PTPRJ: variants seen among roughly 807,000 people sequenced by gnomAD.
PTPRJ encodes the protein receptor-type tyrosine-protein phosphatase eta.
A neutral mutation model predicts 141.3 loss-of-function variants in PTPRJ; 129 were observed. That is an observed-to-expected ratio of 0.91 (90% CI 0.79 to 1.06). The LOEUF is 1.06. Ranked by LOEUF, PTPRJ falls within the 50% of genes least tolerant of loss-of-function variation. PTPRJ has a pLI of 0.00. For missense variants in PTPRJ, 1,601 were observed against 1,679.7 expected, an observed-to-expected ratio of 0.95 and a Z score of 0.82; for synonymous variants, 610 against 640.5, an observed-to-expected ratio of 0.95 and a Z score of 0.72.
At chr11:48,049,866 C>T (rs928521112) in intron 1 of PTPRJ, among the ~76,000 whole-genome samples, 1 of 152,140 alleles carries the variant, frequency 6.6e-6, no homozygotes, top group African/African-American at 2.4e-5. Context: ...ACACTGCAGG[C>T]CTTTTGTAGC....
chr11:48,061,219 G>A (rs1854913215), intron 1 of PTPRJ, among the ~76,000 whole-genome samples: 1 of 152,014 alleles, frequency 6.6e-6, no homozygotes, highest in Non-Finnish European at 1.5e-5. Context: ...CAGGTGATCC[G>A]CCTACCTCGG....
chr11:48,071,207 C>T (rs1172371301), intron 1 of PTPRJ, among the ~76,000 whole-genome samples: 1 of 152,142 alleles, frequency 6.6e-6, no homozygotes, highest in Non-Finnish European at 1.5e-5. Flanking sequence ...ATAATAAGCT[C>T]ATAATAACAG....
Position 47,994,951 on chromosome 11 carries a change from T to A in PTPRJ, c.96+13943T>A, listed in dbSNP as rs562798661. 7.2e-5 allele frequency among the ~76,000 whole-genome samples: 11 copies of A among 152,322 alleles called. No individual in the cohort carries two copies. The South Asian group carries it at 1.7e-3, about 23-fold the overall frequency. On this transcript the variant is annotated intron_variant, in intron 1 of 24. Coordinates refer to ENST00000418331, the MANE Select transcript of PTPRJ (RefSeq NM_002843.4). ...GGTGTGAGAGCGCTCCTTGCTATTC[T>A]CAGGGTCAATGTATGGCAATCTGTG...
chr11:48,149,022 G>A (rs1404002796), intron 15 of PTPRJ, among the ~76,000 whole-genome samples: 4 of 152,206 alleles, frequency 2.6e-5, no homozygotes, highest in Non-Finnish European at 2.9e-5. Context: ...CAACAGTGCA[G>A]GAGTGTGCAG....
At chr11:48,059,110 C>CTTTTTTTT (rs917350262) in intron 1 of PTPRJ, among the ~76,000 whole-genome samples, 2 of 102,158 alleles carry the variant, frequency 2.0e-5, no homozygotes, top group African/African-American at 8.5e-5. Flanking sequence ...TGTGCTGTGC[C>CTTTTTTTT]TTTTTTTTTT....
intron 22 of PTPRJ, among the ~76,000 whole-genome samples, chr11:48,160,815 G>T (rs1015534403): frequency 6.6e-6 from 1 of 152,076 alleles, no homozygotes; most frequent in Non-Finnish European, 1.5e-5. Context: ...ACATGGTTTT[G>T]TAGCTTTTGT....
Position 48,099,470 on chromosome 11 carries a change from C to A in PTPRJ, c.97-10588C>A, listed in dbSNP as rs533839872. Among the ~76,000 whole-genome samples, 8 of 152,326 alleles carry A rather than the reference C, an allele frequency of 5.3e-5. No homozygotes were observed. The South Asian group carries it at 1.4e-3, about 28-fold the overall frequency. ...GCAGTACAAGGGCACAGTTTAAAGC[C>A]TGCCAGGCCTAAAATGTTTACTGTC... On this transcript the variant is annotated intron_variant, in intron 1 of 24. Coordinates refer to ENST00000418331, the MANE Select transcript of PTPRJ (RefSeq NM_002843.4).
intron 1 of PTPRJ, among the ~76,000 whole-genome samples, chr11:48,067,553 G>A (rs1855118928): frequency 6.6e-6 from 1 of 152,208 alleles, no homozygotes; most frequent in African/African-American, 2.4e-5. Flanking sequence ...CCTAGGAAGT[G>A]TTCTTTTTCT....
At chr11:48,153,927 A>G (rs752198778) in intron 19 of PTPRJ, 41 bp downstream of exon 19, 2 of 1,372,784 alleles carry the variant, frequency 1.5e-6, no homozygotes, top group Non-Finnish European at 2.1e-6. Context: ...GTGTTCCATC[A>G]GTGGCCATCA....
chr11:48,156,186 T>C, intron 21 of PTPRJ, 67 bp downstream of exon 21: 1 of 1,366,490 alleles, frequency 7.3e-7, no homozygotes, highest in Non-Finnish European at 1.0e-6. Context: ...GGCAGAAGGG[T>C]ATCTTAAAAA....
intron 6 of PTPRJ, among the ~76,000 whole-genome samples, chr11:48,126,267 G>A (rs1316606743): frequency 6.6e-6 from 1 of 152,102 alleles, no homozygotes; most frequent in African/African-American, 2.4e-5. Flanking sequence ...TTGAGCAAAA[G>A]CAAAGTAGTA....
intron 1 of PTPRJ, among the ~76,000 whole-genome samples, chr11:47,987,804 C>G (rs1334901509): frequency 6.6e-6 from 1 of 152,218 alleles, no homozygotes; most frequent in African/African-American, 2.4e-5. Context: ...TTATTAGTGA[C>G]AGCTGCAGTC....
intron 1 of PTPRJ, among the ~76,000 whole-genome samples, chr11:48,073,574 A>T (rs943254801): frequency 6.6e-6 from 1 of 152,152 alleles, no homozygotes; most frequent in East Asian, 1.9e-4. Flanking sequence ...CTTCTTCAGT[A>T]TGAACTGATC....
chr11:48,164,781 G>A lies in PTPRJ; in HGVS notation c.3855+266G>A, dbSNP rs563341475. ...GTGTTTCTCCATGTTGGCCAGGCTG[G>A]TCTCGAACTCCTGACCTCAAGTGAT... On this transcript the variant is annotated intron_variant, in intron 24 of 24. Transcript: ENST00000418331. Among the ~76,000 whole-genome samples, 5 of 151,584 alleles carry A rather than the reference G, an allele frequency of 3.3e-5. 1 individual carries two copies. The South Asian group carries it at 6.3e-4, about 19-fold the overall frequency.
chr11:48,068,926 G>A (rs73464884), intron 1 of PTPRJ, among the ~76,000 whole-genome samples: 3,216 of 152,252 alleles, frequency 0.021, 109 homozygotes, highest in African/African-American at 0.073. Context: ...GGTATATCCT[G>A]ATGTCTGCTG....
Position 48,164,423 on chromosome 11 carries a change from C to T in PTPRJ, c.3763C>T (p.Leu1255Phe). 1.2e-6 allele frequency: 2 copies of T among 1,614,132 alleles called. No homozygotes were observed. Among genetic ancestry groups the T allele is most frequent in the Non-Finnish European group, 1.7e-6 (2 of 1,180,022 alleles). Residue 1255 changes from leucine to phenylalanine, a missense_variant, in exon 24 of 25, where the codon CTC (leucine) becomes TTC (phenylalanine). Physicochemically the swap from Leu to Phe is conservative, Grantham distance 22. Coordinates refer to ENST00000418331, the MANE Select transcript of PTPRJ (RefSeq NM_002843.4). ...GGGCACTTTCATTGCCATTGATCGTCTCATCTACCAGATAGAGAATGAGAA... is the reference window on the plus strand; with the variant it reads ...GGGCACTTTCATTGCCATTGATCGTTTCATCTACCAGATAGAGAATGAGAA... ...RTGTFIAIDRLIYQIENENTV... is the reference protein window; with the variant it reads ...RTGTFIAIDRFIYQIENENTV...
At chr11:48,049,504 C>A (rs1451632820) in intron 1 of PTPRJ, among the ~76,000 whole-genome samples, 2 of 144,528 alleles carry the variant, frequency 1.4e-5, no homozygotes, top group African/African-American at 5.6e-5. Context: ...GCGGTGAAAC[C>A]CCGTCTCTAC....
chr11:48,160,156 G>A, intron 22 of PTPRJ, 107 bp downstream of exon 22: 1 of 1,455,226 alleles, frequency 6.9e-7, no homozygotes, highest in South Asian at 1.2e-5. Context: ...TATGCAGTGA[G>A]AAATGTTTTG....
chr11:48,053,332 ATATAT>A (rs1020638523), intron 1 of PTPRJ, among the ~76,000 whole-genome samples: 6 of 93,930 alleles, frequency 6.4e-5, no homozygotes, highest in Admixed American at 1.8e-4. Flanking sequence ...TTATATATTA[ATATAT>A]TATATATTAT....
Sources: allele counts gnomAD v4.1 joint callset (sites outside exome capture counted in the v4.1 genomes callset), GRCh38; gene constraint gnomAD v4.1.1; transcripts MANE v1.5; gene names NCBI Gene and HGNC (gene_info 2026-07-23, HGNC 2026-07-21).